The following RSPO1 variants were observed in gnomAD, a reference collection of about 807,000 sequenced individuals.
The protein encoded by RSPO1 is R-spondin-1.
A neutral mutation model predicts 26.0 loss-of-function variants in RSPO1; 18 were observed. The observed-to-expected ratio is 0.69, with a 90% CI of 0.48 to 1.03. The LOEUF (loss-of-function observed/expected upper bound fraction) is 1.03. Ranked by LOEUF, RSPO1 falls within the 50% of genes least tolerant of loss-of-function variation. The pLI is 0.00. For missense variants in RSPO1, 309 were observed against 352.3 expected (o/e 0.88, Z 0.98); for synonymous variants, 133 against 137.4 (o/e 0.97, Z 0.22).
Position 37,614,020 on chromosome 1 carries a change from C to T in RSPO1, c.437-128G>A, listed in dbSNP as rs1419519332. 3 of 1,338,308 alleles carry T rather than the reference C, an allele frequency of 2.2e-6. No individual in the cohort carries two copies. The East Asian group carries it at 7.2e-5, about 32-fold the overall frequency. The allele number at this position is 1,338,308 out of a possible 1,614,324, so 82.9% of individuals were successfully genotyped here. On this transcript the variant is annotated intron_variant, in intron 5 of 6. Transcript: ENST00000356545. Reference sequence around the variant, plus strand: ...TGCCTGGACCTGAGGCTGCAGGTATCTTTAGTCCAGAGGGCAGAAAAGTCC... The same window carrying T: ...TGCCTGGACCTGAGGCTGCAGGTATTTTTAGTCCAGAGGGCAGAAAAGTCC...
chr1:37,614,004 C>G (rs1423953798), intron 5 of RSPO1, 112 bp from the exon 6 acceptor site: 3 of 1,379,222 alleles, frequency 2.2e-6, no homozygotes, highest in African/African-American at 2.9e-5. Context: ...CTGCCTGGAC[C>G]TGAGGCTGCA....
At chr1:37,627,523 G>A (rs1263738755) in intron 3 of RSPO1, among the ~76,000 whole-genome samples, 1 of 152,068 alleles carries the variant, frequency 6.6e-6, no homozygotes, top group Non-Finnish European at 1.5e-5. Context: ...GGTGACACAT[G>A]CCTGTAATCC....
chr1:37,631,611 C>T (rs1435727318), intron 2 of RSPO1, among the ~76,000 whole-genome samples: 2 of 152,212 alleles, frequency 1.3e-5, no homozygotes, highest in Non-Finnish European at 2.9e-5. Flanking sequence ...TACTTATTAG[C>T]TATGTTACCT....
At chr1:37,632,904 CTCTG>C (rs1644380417) in intron 1 of RSPO1, among the ~76,000 whole-genome samples, 1 of 152,202 alleles carries the variant, frequency 6.6e-6, no homozygotes. Flanking sequence ...TTTTAGAGTC[CTCTG>C]TCTGATTTCC....
chr1:37,616,644 T>G lies in RSPO1; in HGVS notation c.126A>C (p.Lys42Asn). 1.9e-6 allele frequency: 3 copies of G among 1,614,086 alleles called. No individual in the cohort carries two copies. Among genetic ancestry groups the G allele is most frequent in the Non-Finnish European group, 2.5e-6 (3 of 1,180,024 alleles). The change falls in exon 4 of 7, where the codon AAA (lysine) becomes AAC (asparagine). Residue 42 changes from lysine (K) to asparagine (N), a missense_variant. Transcript: ENST00000356545. ...TGACTTCAGAGCAGAGCTCACAGCC[T>G]TTGGCACAGGCCTGGCTCCCCTCGG... is the stretch of plus-strand genomic sequence containing the variant. ...ISAEGSQACA[K>N]GCELCSEVNG...
At position 37,629,820 on chromosome 1, in the gene RSPO1, G is replaced by T; in HGVS notation, c.-159C>A. The stretch of plus-strand genomic sequence containing the variant: ...CCATAATCTCAGCTGGGGACAGAGA[G>T]GGTGTGGGGAGCCCAGTTCTCCATC... On this transcript the variant is annotated 5_prime_UTR_variant, in exon 3 of 7. Transcript: ENST00000356545. The T allele has an allele frequency of 8.4e-6, 13 of 1,551,018 alleles. No individual in the cohort carries two copies. The highest frequency in any genetic ancestry group is 1.1e-5 in the Non-Finnish European group (13 of 1,146,694).
Position 37,613,932 on chromosome 1 carries a change from G to A in RSPO1, c.437-40C>T. 6.2e-7 allele frequency: 1 copy of A among 1,604,222 alleles called. No individual in the cohort carries two copies. The highest frequency in any genetic ancestry group is 8.5e-7 in the Non-Finnish European group (1 of 1,171,432). On this transcript the variant is annotated intron_variant, in intron 5 of 6. Coordinates refer to ENST00000356545, the MANE Select transcript of RSPO1 (RefSeq NM_001242908.2). This position sits in a 1 kb window ranked among gnomAD's most constrained non-coding sequence, Gnocchi z 4.5. ...AGGGAAGGGAGAGAAGGACAAGGAGGAGGGGATCATGTCTCCTCCTCTGGC... is the reference window on the plus strand; with the variant it reads ...AGGGAAGGGAGAGAAGGACAAGGAGAAGGGGATCATGTCTCCTCCTCTGGC...
rs1481550332 is a variant in RSPO1, at chr1:37,612,835, C to T, written c.712G>A (p.Gly238Ser). 1 of 1,613,908 alleles carries T rather than the reference C, an allele frequency of 6.2e-7. No individual in the cohort carries two copies. The highest frequency in any genetic ancestry group is 1.1e-5 in the South Asian group (1 of 91,086). Residue 238 changes from glycine (G) to serine (S), a missense_variant, in exon 7 of 7, where the codon GGC (glycine) becomes AGC (serine). Gly to Ser is a moderately conservative substitution (Grantham distance 56). Transcript: ENST00000356545. ...ARKESKEAGAGSRRRKGQQQQ... is the reference protein window; with the variant it reads ...ARKESKEAGASSRRRKGQQQQ... ...TGCTGCCCCTTGCGTCTTCGAGAGC[C>T]AGCACCCGCCTCCTTGCTCTCCTTC... is the stretch of plus-strand genomic sequence containing the variant.
chr1:37,629,579 C>A lies in RSPO1; in HGVS notation c.83G>T (p.Arg28Met). ...GCTCCATTACTCACTCCGCCTCTGC[C>A]TTTTCCCCTTGATCCCCCGGCTGCT... ...TISSRGIKGK[R>M]QRRISAEGSQ... Residue 28 changes from arginine (R) to methionine (M), a missense_variant, in exon 3 of 7, where the codon AGG (arginine) becomes ATG (methionine). Coordinates refer to ENST00000356545, the MANE Select transcript of RSPO1 (RefSeq NM_001242908.2). The A allele has an allele frequency of 1.2e-6, 2 of 1,614,154 alleles. No individual in the cohort carries two copies. The highest frequency in any genetic ancestry group is 1.7e-6 in the Non-Finnish European group (2 of 1,180,004).
chr1:37,612,499 G>GTGT lies in RSPO1; in HGVS notation c.*255_*256insACA, dbSNP rs1644037926. On this transcript the variant is annotated 3_prime_UTR_variant, in exon 7 of 7. Coordinates refer to ENST00000356545, the MANE Select transcript of RSPO1 (RefSeq NM_001242908.2). ...ATGGAAGTGTCTTCTGGTGGCCTCA[G>GTGT]GTGTGTGTGTGTGTGTGTGTGTATG... The GTGT allele has an allele frequency of 3.9e-6, 2 of 509,694 alleles. No homozygotes were observed. Among genetic ancestry groups the GTGT allele is most frequent in the East Asian group, 7.1e-5 (2 of 28,342 alleles). The allele number at this position is 509,694 out of a possible 1,614,324, so 31.6% of individuals were successfully genotyped here. A position where few individuals can be genotyped will look rare whatever the true frequency, so the allele number is the denominator to read the frequency against.
In RSPO1 at chr1:37,620,827, G is replaced by A. The variant is rs143605104; in HGVS notation, c.95-4152C>T. The stretch of plus-strand genomic sequence containing the variant: ...ATTCACGAGTCATTATAGATTTTAG[G>A]CACCACTTCCACTTCAAAGATATTA... On this transcript the variant is annotated intron_variant, in intron 3 of 6. Coordinates refer to ENST00000356545, the MANE Select transcript of RSPO1 (RefSeq NM_001242908.2). 3.9e-3 allele frequency among the ~76,000 whole-genome samples: 586 copies of A among 151,972 alleles called. 5 individuals carry two copies. The highest frequency in any genetic ancestry group is 0.014 in the African/African-American group (568 of 41,458).
In RSPO1 at chr1:37,629,911, C is replaced by CT; in HGVS notation, c.-251dup. On this transcript the variant is annotated 5_prime_UTR_variant, in exon 3 of 7. Transcript: ENST00000356545. ...TACCTCGGAATATCATATGAGAGAT[C>CT]TTTTTGTCACGTCAGCAGGGACTAC... is the stretch of plus-strand genomic sequence containing the variant. 6.5e-7 allele frequency: 1 copy of CT among 1,541,958 alleles called. No homozygotes were observed. The highest frequency in any genetic ancestry group is 8.8e-7 in the Non-Finnish European group (1 of 1,139,092).
chr1:37,634,256 AG>A lies in RSPO1; in HGVS notation c.-356+309del, dbSNP rs570936244. ...TCTGGATTGGAGGCGGGGTATAAACAGGGCTGGTGGACTTGGGGAATTCAGG... is the reference window on the plus strand; with the variant it reads ...TCTGGATTGGAGGCGGGGTATAAACAGGCTGGTGGACTTGGGGAATTCAGG... On this transcript the variant is annotated intron_variant, in intron 1 of 6. Coordinates refer to ENST00000356545, the MANE Select transcript of RSPO1 (RefSeq NM_001242908.2). The surrounding 1 kb of genome is among the most constrained non-coding windows in gnomAD (Gnocchi z 4.7). 3.3e-3 allele frequency among the ~76,000 whole-genome samples: 504 copies of A among 152,228 alleles called. 3 individuals carry two copies. The highest frequency in any genetic ancestry group is 0.011 in the African/African-American group (470 of 41,550).
At position 37,616,772 on chromosome 1, in the gene RSPO1, T is replaced by C. The variant is rs1644120138; in HGVS notation, c.95-97A>G. The C allele has an allele frequency of 6.0e-6, 7 of 1,170,908 alleles. No individual in the cohort carries two copies. In the East Asian group the frequency reaches 1.7e-4, roughly 28 times the overall value. The allele number at this position is 1,170,908 out of a possible 1,614,324, so 72.5% of individuals were successfully genotyped here. On this transcript the variant is annotated intron_variant, in intron 3 of 6. Transcript: ENST00000356545. ...GGGAAGTGAATAGATCGATGTTTCCTTCCACAGAAGGAATATGCTTCTCAG... is the reference window on the plus strand; with the variant it reads ...GGGAAGTGAATAGATCGATGTTTCCCTCCACAGAAGGAATATGCTTCTCAG...
chr1:37,621,007 A>G (rs1570108386), intron 3 of RSPO1, among the ~76,000 whole-genome samples: 1 of 151,982 alleles, frequency 6.6e-6, no homozygotes, highest in East Asian at 1.9e-4. Flanking sequence ...CTTCATTATC[A>G]CCTGTGTTAA....
intron 2 of RSPO1, among the ~76,000 whole-genome samples, 153 bp from the exon 3 acceptor site, chr1:37,630,102 C>T (rs531258745): frequency 6.6e-6 from 1 of 152,318 alleles, no homozygotes; most frequent in East Asian, 1.9e-4. Context: ...TGCTCCTTTT[C>T]CTGTCTTACA....
intron 3 of RSPO1, among the ~76,000 whole-genome samples, chr1:37,620,687 T>A (rs1008491628): frequency 6.6e-6 from 1 of 151,556 alleles, no homozygotes. Flanking sequence ...ATCACGATCA[T>A]TCTTATTGGT....
chr1:37,615,057 G>A (rs2148160815), intron 4 of RSPO1, among the ~76,000 whole-genome samples: 1 of 152,290 alleles, frequency 6.6e-6, no homozygotes, highest in African/African-American at 2.4e-5. Context: ...CCTTCCCAGA[G>A]TGCAGGCGGG....
At chr1:37,623,086 T>G (rs577280375) in intron 3 of RSPO1, among the ~76,000 whole-genome samples, 4 of 151,530 alleles carry the variant, frequency 2.6e-5, no homozygotes, top group African/African-American at 9.7e-5. Flanking sequence ...GGGGGTCAGG[T>G]AGCTGAGCTC....
Sources: allele counts gnomAD v4.1 joint callset (sites outside exome capture counted in the v4.1 genomes callset), GRCh38; gene constraint gnomAD v4.1.1; non-coding constraint Gnocchi (gnomAD v3.1); transcripts MANE v1.5; gene names NCBI Gene and HGNC (gene_info 2026-07-23, HGNC 2026-07-21).